Variants in RPTOR observed in about 807,000 individuals in gnomAD.
The protein encoded by RPTOR is regulatory associated protein of MTOR complex 1.
A neutral mutation model predicts 169.9 loss-of-function variants in RPTOR; 21 were observed. The observed-to-expected ratio is 0.12, with a 90% CI of 0.09 to 0.18. The LOEUF (loss-of-function observed/expected upper bound fraction) is 0.18, where lower values mean the gene tolerates loss of function less well. RPTOR is among the 10% of genes least tolerant of loss of function. The probability of loss-of-function intolerance (pLI) is 1.00; values close to 1 mark genes in which losing one functional copy is unlikely to be tolerated. For synonymous variants in RPTOR, 732 were observed against 753.2 expected, an observed-to-expected ratio of 0.97 and a Z score of 0.46; for missense variants, 1,133 against 1,855.9, an observed-to-expected ratio of 0.61 and a Z score of 7.16.
chr17:80,675,582 C>A (rs560040797), intron 3 of RPTOR, among the ~76,000 whole-genome samples: 69 of 152,376 alleles, frequency 4.5e-4, no homozygotes, highest in African/African-American at 1.6e-3. Context: ...CCAGCACGGG[C>A]CTTGGGCGTT....
intron 24 of RPTOR, among the ~76,000 whole-genome samples, chr17:80,939,342 C>T (rs2068994321): frequency 1.3e-5 from 2 of 152,246 alleles, no homozygotes; most frequent in Non-Finnish European, 2.9e-5. Flanking sequence ...CCCACATGTG[C>T]GTGCACACAC....
At chr17:80,559,428 A>G (rs1599548033) in intron 1 of RPTOR, among the ~76,000 whole-genome samples, 1 of 151,896 alleles carries the variant, frequency 6.6e-6, no homozygotes, top group African/African-American at 2.4e-5. Flanking sequence ...GCCCAAGCTC[A>G]CTCTGTGCCC....
chr17:80,783,397 GCT>G (rs2066960442), intron 6 of RPTOR, among the ~76,000 whole-genome samples: 1 of 152,168 alleles, frequency 6.6e-6, no homozygotes, highest in Non-Finnish European at 1.5e-5. Flanking sequence ...ACAATTATTT[GCT>G]CTGTTGTTTT....
At chr17:80,654,518 A>G (rs1015871210) in intron 3 of RPTOR, among the ~76,000 whole-genome samples, 3 of 152,222 alleles carry the variant, frequency 2.0e-5, no homozygotes, top group Admixed American at 1.3e-4. Flanking sequence ...GCTGCCCTCT[A>G]GAATCACCTG....
At chr17:80,858,837 G>A (rs868231264) in intron 13 of RPTOR, among the ~76,000 whole-genome samples, 1 of 152,214 alleles carries the variant, frequency 6.6e-6, no homozygotes, top group Non-Finnish European at 1.5e-5. Context: ...CCACGCAGAC[G>A]GTGCACGGTT....
At chr17:80,951,568 C>G (rs2069179013) in intron 28 of RPTOR, among the ~76,000 whole-genome samples, 1 of 152,224 alleles carries the variant, frequency 6.6e-6, no homozygotes, top group Non-Finnish European at 1.5e-5. Context: ...TGGGCTCCCT[C>G]AGGTTGCACA....
intron 4 of RPTOR, among the ~76,000 whole-genome samples, chr17:80,715,713 G>GC (rs56246352): frequency 0.98 from 149,206 of 151,706 alleles, 73,394 homozygotes; most frequent in East Asian, 1. Flanking sequence ...TTTATCCCTC[G>GC]CCCCCTCCCA....
chr17:80,638,319 C>T (rs7215534), intron 2 of RPTOR, among the ~76,000 whole-genome samples: 63,137 of 151,866 alleles, frequency 0.42, 13,419 homozygotes, highest in African/African-American at 0.46. Flanking sequence ...CAGTCACAGC[C>T]GTATGCTCTG....
At chr17:80,770,291 T>C (rs2066829663) in intron 6 of RPTOR, among the ~76,000 whole-genome samples, 1 of 152,230 alleles carries the variant, frequency 6.6e-6, no homozygotes, top group African/African-American at 2.4e-5. Flanking sequence ...AAAGCCCACC[T>C]CTTAGCACTG....
intron 24 of RPTOR, among the ~76,000 whole-genome samples, chr17:80,930,342 C>CCTCTGCTCATCCTCAGGTCATCCTCAA (rs2068871420): frequency 2.4e-5 from 1 of 42,434 alleles, no homozygotes. Context: ...CTCAGCTCAT[C>CCTCTGCTCATCCTCAGGTCATCCTCAA]CTCAGCTCAT....
chr17:80,570,865 C>A (rs1421008411), intron 1 of RPTOR, among the ~76,000 whole-genome samples: 1 of 152,170 alleles, frequency 6.6e-6, no homozygotes, highest in Non-Finnish European at 1.5e-5. Flanking sequence ...CCAACTTACA[C>A]ACAGCATTAA....
intron 20 of RPTOR, among the ~76,000 whole-genome samples, chr17:80,906,566 G>A (rs1003530086): frequency 3.9e-5 from 6 of 152,216 alleles, no homozygotes; most frequent in Admixed American, 6.5e-5. Flanking sequence ...AGGGACCGCC[G>A]GCCAGGCACA....
At chr17:80,788,175 G>A (rs1169367082) in intron 6 of RPTOR, among the ~76,000 whole-genome samples, 1 of 152,134 alleles carries the variant, frequency 6.6e-6, no homozygotes, top group African/African-American at 2.4e-5. Flanking sequence ...CTTTTCTTCA[G>A]TAAATTAAAA....
chr17:80,887,633 G>C (rs2068265086), intron 17 of RPTOR, among the ~76,000 whole-genome samples: 1 of 152,270 alleles, frequency 6.6e-6, no homozygotes, highest in Admixed American at 6.5e-5. Flanking sequence ...AGTAGAACTG[G>C]CTGAGAGGCT....
At chr17:80,784,384 A>G (rs1263575288) in intron 6 of RPTOR, among the ~76,000 whole-genome samples, 2 of 151,594 alleles carry the variant, frequency 1.3e-5, no homozygotes, top group Non-Finnish European at 2.9e-5. Flanking sequence ...AAATTGGCTT[A>G]TTTTCCTTTT....
intron 1 of RPTOR, among the ~76,000 whole-genome samples, chr17:80,615,621 A>C (rs1461982414): frequency 6.6e-6 from 1 of 152,094 alleles, no homozygotes; most frequent in East Asian, 1.9e-4. Context: ...TCTGATACCC[A>C]CTTAGCAGCA....
chr17:80,740,381 A>G (rs2066471492), intron 5 of RPTOR, among the ~76,000 whole-genome samples: 1 of 152,246 alleles, frequency 6.6e-6, no homozygotes, highest in Non-Finnish European at 1.5e-5. Context: ...AAGCTCTTCC[A>G]GAAGATAGAA....
In RPTOR at chr17:80,703,426, G is replaced by C. The variant is rs143709905; in HGVS notation, c.349-4415G>C. Among the ~76,000 whole-genome samples the C allele has an allele frequency of 8.1e-3, 1,229 of 152,288 alleles. 5 individuals carry two copies. Among genetic ancestry groups the C allele is most frequent in the Non-Finnish European group, 0.012 (834 of 68,030 alleles). On this transcript the variant is annotated intron_variant, in intron 3 of 33. Coordinates refer to ENST00000306801, the MANE Select transcript of RPTOR (RefSeq NM_020761.3). ...CACCCCACCTGGACCCTAGACCCTG[G>C]AGAAGGGGTGGGAAGTTAGCTTCAG...
chr17:80,683,168 C>T (rs775028723), intron 3 of RPTOR, among the ~76,000 whole-genome samples: 5 of 151,642 alleles, frequency 3.3e-5, no homozygotes, highest in Admixed American at 6.6e-5. Flanking sequence ...GGCCTGGGAG[C>T]GGACCCCGGA....
Sources: allele counts gnomAD v4.1 joint callset (sites outside exome capture counted in the v4.1 genomes callset), GRCh38; gene constraint gnomAD v4.1.1; transcripts MANE v1.5; gene names NCBI Gene and HGNC (gene_info 2026-07-23, HGNC 2026-07-21).